KLHL35: variants seen among roughly 807,000 people sequenced by gnomAD.
KLHL35 encodes the protein kelch-like protein 35.
Under a neutral mutation model 44.0 loss-of-function variants are expected in KLHL35, and 50 were observed. The observed-to-expected ratio is 1.14, with a 90% CI of 0.91 to 1.44. The LOEUF (loss-of-function observed/expected upper bound fraction) is 1.44, where lower values mean the gene tolerates loss of function less well. Among genes scored for constraint, KLHL35 ranks in the 40% most tolerant of loss-of-function variants. KLHL35 has a pLI of 0.00. For missense variants in KLHL35, 1,049 were observed against 887.8 expected (o/e 1.18, Z -2.31); for synonymous variants, 470 against 410.4 (o/e 1.15, Z -1.76).
At position 75,430,471 on chromosome 11, in the gene KLHL35, CG is replaced by C. The variant is rs1013675003; in HGVS notation, c.158del (p.Pro53ArgfsTer35). The C allele has an allele frequency of 1.4e-4, 201 of 1,399,138 alleles. No homozygotes were observed. The highest frequency in any genetic ancestry group is 1.8e-4 in the Non-Finnish European group (194 of 1,080,592). 86.7% of individuals were successfully genotyped at this position (1,399,138 alleles called of 1,614,324 possible). ...VVLRAGGRDF[P>X]CHRAALSAGS... ...CCGCGCTGAGCGCCGCGCGGTGGCA[CG>C]GAAAGTCGCGCCCGCCGGCGCGCAG... is the stretch of plus-strand genomic sequence containing the variant. On this transcript the variant is annotated frameshift_variant, in exon 2 of 7. Coordinates refer to ENST00000539798, the MANE Select transcript of KLHL35 (RefSeq NM_001039548.3). LOFTEE classifies it high-confidence loss of function.
chr11:75,428,131 A>G (rs1243414031), intron 3 of KLHL35, among the ~76,000 whole-genome samples: 1 of 152,252 alleles, frequency 6.6e-6, no homozygotes, highest in Non-Finnish European at 1.5e-5. Flanking sequence ...ATTTAATGAT[A>G]ACGAATGTAA....
intron 6 of KLHL35, chr11:75,423,468 G>C (rs1948466875): frequency 3.6e-6 from 2 of 561,350 alleles, no homozygotes; most frequent in African/African-American, 1.9e-5. Context: ...CAGGGTTCTA[G>C]GCTCTGCCTT....
At chr11:75,424,027 G>A in intron 5 of KLHL35, 147 bp from the exon 6 acceptor site, 1 of 634,222 alleles carries the variant, frequency 1.6e-6, no homozygotes, top group Admixed American at 2.9e-5. Context: ...GCATCTGGGA[G>A]GGAGGGGGAG....
At chr11:75,425,162 C>T (rs375308140) in intron 5 of KLHL35, among the ~76,000 whole-genome samples, 3 of 152,252 alleles carry the variant, frequency 2.0e-5, no homozygotes, top group East Asian at 3.9e-4. Context: ...ATGAAACTTA[C>T]ATGGCACCAG....
In KLHL35 at chr11:75,430,176, C is replaced by T; in HGVS notation, c.454G>A (p.Ala152Thr). 2.4e-6 allele frequency: 3 copies of T among 1,232,094 alleles called. No individual in the cohort carries two copies. The highest frequency in any genetic ancestry group is 1.6e-5 in the African/African-American group (1 of 62,592). 76.3% of individuals were successfully genotyped at this position (1,232,094 alleles called of 1,614,324 possible). A position where few individuals can be genotyped will look rare whatever the true frequency, so the allele number is the denominator to read the frequency against. ...CGGCGCAGCGCTAGGCTGTTGGCGG[C>T]GCGCAGGCGGCCCTCGAGAAAGCGC... is the stretch of plus-strand genomic sequence containing the variant. ...CVRFLEGRLR[A>T]ANSLALRRVA... The change falls in exon 2 of 7, where the codon GCC (alanine) becomes ACC (threonine). Residue 152 changes from alanine (A) to threonine (T), a missense_variant. Coordinates refer to ENST00000539798, the MANE Select transcript of KLHL35 (RefSeq NM_001039548.3).
In KLHL35 at chr11:75,428,509, G is replaced by A. The variant is rs1204940727; in HGVS notation, c.999C>T (p.Pro333=). 4 of 1,612,396 alleles carry A rather than the reference G, an allele frequency of 2.5e-6. No individual in the cohort carries two copies. In the East Asian group the frequency reaches 6.7e-5, roughly 27 times the overall value. The change falls in exon 3 of 7, where the codon CCC becomes CCT. Residue 333 remains proline, a synonymous_variant. Transcript: ENST00000539798. ...HPESQRWTPL[P]SLPGYTRSEF... ...CTGAGCGAGTGTAGCCGGGCAGGCT[G>A]GGCAGTGGGGTCCACCGCTGGCTCT...
At chr11:75,423,217 T>C (rs1948465097) in intron 6 of KLHL35, 1 of 204,096 alleles carries the variant, frequency 4.9e-6, no homozygotes, top group Non-Finnish European at 1.0e-5. Flanking sequence ...AGTCCAACCA[T>C]ATCTGTGTAG....
chr11:75,425,431 T>C lies in KLHL35; in HGVS notation c.1336A>G (p.Ile446Val), dbSNP rs766098322. 14 of 1,569,420 alleles carry C rather than the reference T, an allele frequency of 8.9e-6. No homozygotes were observed. Among genetic ancestry groups the C allele is most frequent in the Non-Finnish European group, 1.1e-5 (13 of 1,164,546 alleles). ...ACGCCGCCCTGCCTGGCGCCCCCAA[T>C]CACGAAGAGCTTGCCCGCGCAGGAC... ...VASCAGKLFV[I>V]GGARQGGVNT... Residue 446 changes from isoleucine to valine, a missense_variant, in exon 5 of 7, where the codon ATT becomes GTT. Ile to Val is a conservative substitution (Grantham distance 29). Coordinates refer to ENST00000539798, the MANE Select transcript of KLHL35 (RefSeq NM_001039548.3).
Position 75,430,412 on chromosome 11 carries a change from C to A in KLHL35, c.218G>T (p.Gly73Val), listed in dbSNP as rs1340619351. 1.5e-6 allele frequency: 2 copies of A among 1,365,160 alleles called. No homozygotes were observed. Among genetic ancestry groups the A allele is most frequent in the Non-Finnish European group, 1.9e-6 (2 of 1,051,538 alleles). The allele number at this position is 1,365,160 out of a possible 1,614,324, so 84.6% of individuals were successfully genotyped here. A position where few individuals can be genotyped will look rare whatever the true frequency, so the allele number is the denominator to read the frequency against. Reference sequence around the variant, plus strand: ...CACGGCCGGGCCGCGCTCGGGCCGCCCGGCCGCGAACAAGCTGCGGAAGTA... The same window carrying A: ...CACGGCCGGGCCGCGCTCGGGCCGCACGGCCGCGAACAAGCTGCGGAAGTA... ...SAYFRSLFAA[G>V]RPERGPAVVP... Residue 73 changes from glycine (G) to valine (V), a missense_variant, in exon 2 of 7, where the codon GGG (glycine) becomes GTG (valine). Physicochemically the swap from Gly to Val is moderately radical, Grantham distance 109. Coordinates refer to ENST00000539798, the MANE Select transcript of KLHL35 (RefSeq NM_001039548.3).
rs555084199 is a variant in KLHL35, at chr11:75,433,168, C to G, written c.-127G>C. 1.7e-4 allele frequency among the ~76,000 whole-genome samples: 26 copies of G among 152,298 alleles called. 1 individual carries two copies. The South Asian group carries it at 4.4e-3, about 25-fold the overall frequency. Reference sequence around the variant, plus strand: ...GTTCATGCTGCTCTGCCCAGACTCCCGTTTGCTGTTCGCTCGGGCTCAGCT... The same window carrying G: ...GTTCATGCTGCTCTGCCCAGACTCCGGTTTGCTGTTCGCTCGGGCTCAGCT... On this transcript the variant is annotated 5_prime_UTR_variant, in exon 1 of 7. Coordinates refer to ENST00000539798, the MANE Select transcript of KLHL35 (RefSeq NM_001039548.3).
intron 3 of KLHL35, 124 bp from the exon 4 acceptor site, chr11:75,426,762 T>C (rs752517310): frequency 7.6e-5 from 47 of 621,172 alleles, no homozygotes; most frequent in Non-Finnish European, 1.3e-4. Context: ...GGAGGACTTC[T>C]TGAGCTGGTG....
chr11:75,424,852 A>G (rs1948476757), intron 5 of KLHL35: 1 of 152,680 alleles, frequency 6.5e-6, no homozygotes, highest in Non-Finnish European at 1.5e-5. Context: ...AATAGTACAG[A>G]CATTGAAATG....
intron 4 of KLHL35, 86 bp from the exon 5 acceptor site, chr11:75,425,667 G>A (rs1826652790): frequency 2.5e-6 from 3 of 1,201,476 alleles, no homozygotes; most frequent in Middle Eastern, 2.9e-4. Flanking sequence ...CAGTCTTTGA[G>A]CTGGAAACTA....
intron 3 of KLHL35, 76 bp from the exon 4 acceptor site, chr11:75,426,714 G>A (rs1251346070): frequency 3.0e-6 from 3 of 990,766 alleles, no homozygotes. Flanking sequence ...AGAAACTAGG[G>A]CCCCCAGATC....
chr11:75,422,869 G>T, intron 6 of KLHL35, 101 bp from the exon 7 acceptor site: 2 of 1,077,478 alleles, frequency 1.9e-6, no homozygotes, highest in Non-Finnish European at 1.4e-6. Flanking sequence ...CACAGACTGT[G>T]AACAGGCAAT....
Position 75,426,339 on chromosome 11 carries a change from C to A in KLHL35, c.1185+181G>T, listed in dbSNP as rs953597050. 6 of 527,596 alleles carry A rather than the reference C, an allele frequency of 1.1e-5. No homozygotes were observed. In the South Asian group the frequency reaches 1.2e-4, roughly 10 times the overall value. 32.7% of individuals were successfully genotyped at this position (527,596 alleles called of 1,614,324 possible). On this transcript the variant is annotated intron_variant, in intron 4 of 6. Transcript: ENST00000539798. ...CATACCCTTGACCATCAGGCTGTTA[C>A]TATTACAGTAATTGCTATTATTATT...
chr11:75,431,970 G>A (rs936149433), intron 1 of KLHL35, among the ~76,000 whole-genome samples: 1 of 152,184 alleles, frequency 6.6e-6, no homozygotes, highest in Non-Finnish European at 1.5e-5. Context: ...TGTCATAAGG[G>A]AAACAAGCAC....
intron 5 of KLHL35, chr11:75,424,872 A>G (rs1948476878): frequency 6.5e-6 from 1 of 152,868 alleles, no homozygotes; most frequent in African/African-American, 2.4e-5. Flanking sequence ...GATGGCTGTA[A>G]AGTTGATAAT....
In KLHL35 at chr11:75,430,083, C is replaced by A; in HGVS notation, c.547G>T (p.Ala183Ser). Residue 183 changes from alanine to serine, a missense_variant, in exon 2 of 7, where the codon GCC becomes TCC. Physicochemically the swap from Ala to Ser is moderately conservative, Grantham distance 99 (BLOSUM62 1). Coordinates refer to ENST00000539798, the MANE Select transcript of KLHL35 (RefSeq NM_001039548.3). ...RCGRVLRQAF[A>S]EVARHADFLE... is the part of the protein sequence containing the mutation. ...AAGTCGGCGTGGCGCGCCACCTCGG[C>A]GAAGGCCTGACGCAGGACGCGGCCG... 1 of 1,379,982 alleles carries A rather than the reference C, an allele frequency of 7.2e-7. No individual in the cohort carries two copies. 85.5% of individuals were successfully genotyped at this position (1,379,982 alleles called of 1,614,324 possible).
Sources: gnomAD v4.1 joint callset for allele counts (sites outside exome capture counted in the v4.1 genomes callset) on GRCh38, gnomAD v4.1.1 for gene constraint, MANE v1.5 for transcripts, NCBI Gene and HGNC (gene_info 2026-07-23, HGNC 2026-07-21) for gene names.